The following PIKFYVE variants were observed in gnomAD, a reference collection of about 807,000 sequenced individuals.
The protein encoded by PIKFYVE is 1-phosphatidylinositol 3-phosphate 5-kinase.
PIKFYVE carries 122 observed loss-of-function variants against 257.9 expected under a neutral mutation model. That is an observed-to-expected ratio of 0.47 (90% CI 0.41 to 0.55). The LOEUF is 0.55. Ranked by LOEUF, PIKFYVE falls within the 20% of genes least tolerant of loss-of-function variation. PIKFYVE has a pLI of 0.00. For synonymous variants in PIKFYVE, 892 were observed against 868.9 expected (o/e 1.03, Z -0.47); for missense variants, 2,160 against 2,536.6 (o/e 0.85, Z 3.19).
intron 37 of PIKFYVE, 47 bp from the exon 38 acceptor site, chr2:208,351,305 C>T (rs1034159911): frequency 1.6e-6 from 2 of 1,288,566 alleles, no homozygotes; most frequent in Admixed American, 1.7e-5. Context: ...TTATAGATTA[C>T]AGTATATATT....
Position 208,285,811 on chromosome 2 carries a change from G to C in PIKFYVE, c.699G>C (p.Leu233Phe), listed in dbSNP as rs777357869. 6.2e-7 allele frequency: 1 copy of C among 1,613,946 alleles called. No individual in the cohort carries two copies. Among genetic ancestry groups the C allele is most frequent in the Non-Finnish European group, 8.5e-7 (1 of 1,179,910 alleles). Reference protein sequence around the residue: ...STDSNSIGEDLNALSDSACSV... With the variant: ...STDSNSIGEDFNALSDSACSV... The stretch of plus-strand genomic sequence containing the variant: ...ACAGTAATTCTATTGGGGAAGACTT[G>C]AATGCTCTTTCAGATTCTGCTTGCT... Residue 233 changes from leucine (L) to phenylalanine (F), a missense_variant, in exon 6 of 42, where the codon TTG (leucine) becomes TTC (phenylalanine). Coordinates refer to ENST00000264380, the MANE Select transcript of PIKFYVE (RefSeq NM_015040.4).
chr2:208,335,447 TTTTG>T (rs1335970434), intron 25 of PIKFYVE, 28 bp downstream of exon 25: 7 of 1,443,080 alleles, frequency 4.9e-6, no homozygotes, highest in Non-Finnish European at 3.9e-6. Context: ...TATCATCTTT[TTTTG>T]TTTATTTACA....
chr2:208,295,689 G>T (rs1692881421), intron 7 of PIKFYVE, among the ~76,000 whole-genome samples: 1 of 152,152 alleles, frequency 6.6e-6, no homozygotes, highest in African/African-American at 2.4e-5. Context: ...CACAATACAA[G>T]TTTATCCCAT....
At chr2:208,324,813 A>T (rs762630729) in intron 18 of PIKFYVE, 98 bp from the exon 19 acceptor site, 1 of 1,400,038 alleles carries the variant, frequency 7.1e-7, no homozygotes, top group Admixed American at 1.9e-5. Flanking sequence ...AAATTTGTGA[A>T]TGTTATTTTT....
At chr2:208,302,378 T>C in intron 10 of PIKFYVE, 25 bp downstream of exon 10, 1 of 1,554,950 alleles carries the variant, frequency 6.4e-7, no homozygotes, top group Non-Finnish European at 8.9e-7. Context: ...TTACTGCCAA[T>C]TAGAATGTAG....
chr2:208,342,626 C>T lies in PIKFYVE; in HGVS notation c.5004C>T (p.Ser1668=), dbSNP rs572624704. Reference sequence around the variant, plus strand: ...TTGCAGTCTGCGAGAAGGAACCCAGCTCCATCATTGCTTTTGCTCTCAGGT... The same window carrying T: ...TTGCAGTCTGCGAGAAGGAACCCAGTTCCATCATTGCTTTTGCTCTCAGGT... The part of the protein sequence containing the change: ...VPIAVCEKEP[S]SIIAFALSCK... Residue 1668 remains serine, a synonymous_variant, in exon 32 of 42, where the codon AGC becomes AGT. Transcript: ENST00000264380. 6.2e-7 allele frequency: 1 copy of T among 1,612,648 alleles called. No homozygotes were observed. The highest frequency in any genetic ancestry group is 1.7e-5 in the Admixed American group (1 of 60,010).
In PIKFYVE at chr2:208,317,931, C is replaced by T. The variant is rs1439517036; in HGVS notation, c.2072C>T (p.Ala691Val). 6.2e-7 allele frequency: 1 copy of T among 1,613,374 alleles called. No homozygotes were observed. The highest frequency in any genetic ancestry group is 1.7e-5 in the Admixed American group (1 of 59,998). ...GGCTTTGTTTGTACCAAGAACATTG[C>T]ACATAAAAAGGTAATGTGATTCAGT... The part of the protein sequence containing the change: ...VNGFVCTKNI[A>V]HKKMSSCIKN... Residue 691 changes from alanine to valine, a missense_variant, in exon 16 of 42, where the codon GCA becomes GTA. Physicochemically the swap from Ala to Val is moderately conservative, Grantham distance 64. This residue lies in a region of PIKFYVE where 346 missense variants were observed against 365.6 expected (regional missense o/e 0.95). Transcript: ENST00000264380.
intron 17 of PIKFYVE, among the ~76,000 whole-genome samples, chr2:208,322,956 T>C (rs1338865032): frequency 1.3e-5 from 2 of 150,730 alleles, no homozygotes; most frequent in Non-Finnish European, 3.0e-5. Flanking sequence ...TTTGGTTTTT[T>C]GTCCTTGTGA....
At chr2:208,303,235 A>G (rs1693922686) in intron 10 of PIKFYVE, among the ~76,000 whole-genome samples, 1 of 150,696 alleles carries the variant, frequency 6.6e-6, no homozygotes, top group Non-Finnish European at 1.5e-5. Context: ...TAGGTTATAT[A>G]TATACACACA....
At chr2:208,328,962 C>T (rs768773454) in intron 21 of PIKFYVE, among the ~76,000 whole-genome samples, 11 of 152,162 alleles carry the variant, frequency 7.2e-5, no homozygotes, top group Non-Finnish European at 1.6e-4. Flanking sequence ...ACAATTTAGG[C>T]AGGTTTTCCT....
At chr2:208,319,574 G>C (rs773219300) in intron 16 of PIKFYVE, among the ~76,000 whole-genome samples, 6 of 152,192 alleles carry the variant, frequency 3.9e-5, no homozygotes, top group Admixed American at 6.5e-5. Flanking sequence ...GTCCTGAATT[G>C]AGTTTCCCAG....
chr2:208,287,393 C>T (rs576354889), intron 6 of PIKFYVE, among the ~76,000 whole-genome samples: 2 of 151,804 alleles, frequency 1.3e-5, no homozygotes, highest in South Asian at 2.1e-4. Context: ...CCTGCCTCAA[C>T]CTCCTGAGTA....
At chr2:208,330,379 T>G in intron 22 of PIKFYVE, 144 bp from the exon 23 acceptor site, 5 of 912,016 alleles carry the variant, frequency 5.5e-6, no homozygotes, top group Non-Finnish European at 8.8e-6. Flanking sequence ...ATCACCGTGC[T>G]GTAGCTGAAG....
At chr2:208,294,825 A>G (rs544078636) in intron 7 of PIKFYVE, among the ~76,000 whole-genome samples, 1 of 152,268 alleles carries the variant, frequency 6.6e-6, no homozygotes, top group East Asian at 1.9e-4. Context: ...AGGACTTGTT[A>G]TGAAGAACAG....
At chr2:208,331,789 C>T (rs1016725084) in intron 23 of PIKFYVE, among the ~76,000 whole-genome samples, 5 of 152,186 alleles carry the variant, frequency 3.3e-5, no homozygotes, top group African/African-American at 9.7e-5. Flanking sequence ...CAAAGTTGCA[C>T]CTGCAGCAGC....
At chr2:208,312,642 A>C (rs1695055767) in intron 13 of PIKFYVE, among the ~76,000 whole-genome samples, 1 of 152,240 alleles carries the variant, frequency 6.6e-6, no homozygotes, top group Non-Finnish European at 1.5e-5. Context: ...AGGATTGTCA[A>C]ATTTGTCAAA....
In PIKFYVE at chr2:208,299,732, CTATATG is replaced by C. The variant is rs1400885257; in HGVS notation, c.1050+955_1050+960del. Among the ~76,000 whole-genome samples the C allele has an allele frequency of 5.3e-5, 8 of 152,300 alleles. No individual in the cohort carries two copies. The South Asian group carries it at 1.0e-3, about 20-fold the overall frequency. On this transcript the variant is annotated intron_variant, in intron 8 of 41. Transcript: ENST00000264380. Reference sequence around the variant, plus strand: ...TGTAACACTTTTCAGACATTTAATACTATATGTTTATATGAAATAATCAGTTGCTTA... The same window carrying C: ...TGTAACACTTTTCAGACATTTAATACTTTATATGAAATAATCAGTTGCTTA...
At chr2:208,269,860 TG>T in intron 1 of PIKFYVE, 1 of 297,368 alleles carries the variant, frequency 3.4e-6, no homozygotes, top group Non-Finnish European at 7.0e-6. Flanking sequence ...GGCTCAGCTT[TG>T]GTCTTGGCTG....
intron 6 of PIKFYVE, among the ~76,000 whole-genome samples, chr2:208,288,144 T>C (rs1334622055): frequency 6.6e-6 from 1 of 152,218 alleles, no homozygotes; most frequent in East Asian, 1.9e-4. Context: ...GTACAATAGA[T>C]GTCAAAGGTA....
Sources: gnomAD v4.1 joint callset for allele counts (sites outside exome capture counted in the v4.1 genomes callset) on GRCh38, gnomAD v4.1.1 for gene constraint, gnomAD v4.1.1 regional missense constraint, MANE v1.5 for transcripts, NCBI Gene and HGNC (gene_info 2026-07-23, HGNC 2026-07-21) for gene names.